Variants in WDR87 observed in about 807,000 individuals in gnomAD.
The protein encoded by WDR87 is WD repeat-containing protein 87.
In WDR87, 56 loss-of-function variants were observed where a neutral mutation model predicts 83.3. The ratio of observed to expected loss-of-function variants is 0.67; its 90% CI spans 0.54 to 0.84. The LOEUF (loss-of-function observed/expected upper bound fraction) is 0.84, where lower values mean the gene tolerates loss of function less well. Ranked by LOEUF, WDR87 falls within the 40% of genes least tolerant of loss-of-function variation. The pLI is 0.00. For missense variants in WDR87, 2,939 were observed against 3,431.9 expected, an observed-to-expected ratio of 0.86 and a Z score of 3.59; for synonymous variants, 1,173 against 1,250.6, an observed-to-expected ratio of 0.94 and a Z score of 1.31.
rs1459486516 is a variant in WDR87 at position 37,892,782 on chromosome 19, G to A, written c.2921C>T (p.Pro974Leu). The A allele has an allele frequency of 9.0e-6, 14 of 1,551,536 alleles. No homozygotes were observed. The highest frequency in any genetic ancestry group is 6.8e-5 in the African/African-American group (5 of 73,040). The change falls in exon 4 of 6, where the codon CCG becomes CTG. Residue 974 changes from proline (P) to leucine (L), a missense_variant. Physicochemically the swap from Pro to Leu is moderately conservative, Grantham distance 98 (BLOSUM62 -3). Coordinates refer to ENST00000447313, the MANE Select transcript of WDR87 (RefSeq NM_001291088.2). ...TTCCCAAGCTAGTTCTCGGATCAGC[G>A]GGTTGGAATTGGTTGTATCATTCAG... is the stretch of plus-strand genomic sequence containing the variant. The part of the protein sequence containing the change: ...RLLNDTTNSN[P>L]LIRELAWEGL...
At chr19:37,890,308 A>G (rs891398984) in intron 5 of WDR87, 32 bp from the exon 6 acceptor site, 1 of 1,491,158 alleles carries the variant, frequency 6.7e-7, no homozygotes, top group Non-Finnish European at 8.9e-7. Flanking sequence ...GGAGGTAAGC[A>G]AAGTATGGGA....
At position 37,894,461 on chromosome 19, in the gene WDR87, A is replaced by T. The variant is rs1398150457; in HGVS notation, c.1242T>A (p.Asp414Glu). 6.4e-7 allele frequency: 1 copy of T among 1,551,598 alleles called. No individual in the cohort carries two copies. Among genetic ancestry groups the T allele is most frequent in the Non-Finnish European group, 8.7e-7 (1 of 1,146,996 alleles). ...CCTCTTTACCTGGGTCGTAGGCCCA[A>T]TCCACAGCCTGGTCCAGGATTGAGA... ...WPFSILDQAV[D>E]WAYDPGKEEL... Residue 414 changes from aspartate (D) to glutamate (E), a missense_variant, in exon 4 of 6, where the codon GAT becomes GAA. This residue lies in a region of WDR87 where 553 missense variants were observed against 577.9 expected (regional missense o/e 0.96). Transcript: ENST00000447313.
At chr19:37,903,475 G>A (rs2046304847) in intron 1 of WDR87, among the ~76,000 whole-genome samples, 1 of 152,172 alleles carries the variant, frequency 6.6e-6, no homozygotes, top group Non-Finnish European at 1.5e-5. Flanking sequence ...GAGAAGTAAC[G>A]ACAGTATCCA....
intron 1 of WDR87, among the ~76,000 whole-genome samples, chr19:37,905,193 C>CTGCACTCCA (rs2046316796): frequency 6.8e-6 from 1 of 146,482 alleles, no homozygotes; most frequent in African/African-American, 2.6e-5. Context: ...GGTGGCGCCA[C>CTGCACTCCA]TGCACTCCAG....
rs959364670 is a variant in WDR87, at chr19:37,885,281, A to G, written c.8390T>C (p.Met2797Thr). 1 of 1,543,742 alleles carries G rather than the reference A, an allele frequency of 6.5e-7. No homozygotes were observed. Among genetic ancestry groups the G allele is most frequent in the Non-Finnish European group, 8.7e-7 (1 of 1,143,370 alleles). The change falls in exon 6 of 6, where the codon ATG becomes ACG. Residue 2797 changes from methionine to threonine, a missense_variant. Transcript: ENST00000447313. Reference sequence around the variant, plus strand: ...GGGGGACTTAAGTTGGTACAGGTCCATGAGCTGGTAGAACTGTTCCATCCA... The same window carrying G: ...GGGGGACTTAAGTTGGTACAGGTCCGTGAGCTGGTAGAACTGTTCCATCCA... ...TAWMEQFYQL[M>T]DLYQLKSPRI...
intron 1 of WDR87, among the ~76,000 whole-genome samples, chr19:37,898,520 G>C (rs1319122879): frequency 6.6e-6 from 1 of 152,286 alleles, no homozygotes; most frequent in South Asian, 2.1e-4. Flanking sequence ...GAATCTTAGC[G>C]TGTTCCTGTC....
chr19:37,897,212 T>TG (rs1568455840), intron 2 of WDR87, among the ~76,000 whole-genome samples: 1 of 148,870 alleles, frequency 6.7e-6, no homozygotes, highest in Admixed American at 6.7e-5. Flanking sequence ...CTGTTTTTTT[T>TG]TTTTTTTTTT....
At chr19:37,890,575 A>G (rs779553453) in intron 5 of WDR87, among the ~76,000 whole-genome samples, 5 of 152,134 alleles carry the variant, frequency 3.3e-5, no homozygotes, top group Non-Finnish European at 5.9e-5. Flanking sequence ...TAAACAGGAT[A>G]TACCCATTTT....
At chr19:37,901,152 G>T (rs1032805316) in intron 1 of WDR87, among the ~76,000 whole-genome samples, 1 of 150,544 alleles carries the variant, frequency 6.6e-6, no homozygotes, top group African/African-American at 2.4e-5. Flanking sequence ...AAAAAAAAAG[G>T]CCAGGTGCGG....
At position 37,886,660 on chromosome 19, in the gene WDR87, C is replaced by T. The variant is rs769200915; in HGVS notation, c.7011G>A (p.Glu2337=). The change falls in exon 6 of 6, where the codon GAG becomes GAA. Residue 2337 remains glutamate, a synonymous_variant. Transcript: ENST00000447313. ...CAAACACTTCTTCCTTCTCCTGAAC[C>T]TCCTCCTTCTTCTTTTCCTTTTTCT... ...KKKKKEKKKE[E]VQEKEEVFEE... is the part of the protein sequence containing the mutation. 9.3e-6 allele frequency: 14 copies of T among 1,498,642 alleles called. No homozygotes were observed. Among genetic ancestry groups the T allele is most frequent in the Non-Finnish European group, 1.2e-5 (13 of 1,105,538 alleles). 92.8% of individuals were successfully genotyped at this position (1,498,642 alleles called of 1,614,324 possible). A position where few individuals can be genotyped will look rare whatever the true frequency, so the allele number is the denominator to read the frequency against.
At chr19:37,903,254 T>A (rs137942447) in intron 1 of WDR87, among the ~76,000 whole-genome samples, 237 of 152,318 alleles carry the variant, frequency 1.6e-3, no homozygotes, top group African/African-American at 5.5e-3. Context: ...TAGGCTTACT[T>A]GGTTCTTTGA....
intron 5 of WDR87, 122 bp downstream of exon 5, chr19:37,891,430 G>A: frequency 7.7e-7 from 1 of 1,297,264 alleles, no homozygotes; most frequent in Non-Finnish European, 1.0e-6. Flanking sequence ...TCCCAGTGCT[G>A]GAATTACAGG....
chr19:37,889,643 T>A lies in WDR87; in HGVS notation c.4028A>T (p.Asp1343Val). Reference sequence around the variant, plus strand: ...TGGCGGGACTACATCCCAATCAAGGTCCTCAAGCAGAACCTTACTTTCTTT... The same window carrying A: ...TGGCGGGACTACATCCCAATCAAGGACCTCAAGCAGAACCTTACTTTCTTT... ...LKKESKVLLE[D>V]LDWDVVPPEK... is the part of the protein sequence containing the mutation. The change falls in exon 6 of 6, where the codon GAC becomes GTC. Residue 1343 changes from aspartate to valine, a missense_variant. Physicochemically the swap from Asp to Val is radical, Grantham distance 152. Transcript: ENST00000447313. 6.4e-7 allele frequency: 1 copy of A among 1,551,868 alleles called. No individual in the cohort carries two copies. Among genetic ancestry groups the A allele is most frequent in the Non-Finnish European group, 8.7e-7 (1 of 1,147,042 alleles).
rs1002721760 is a variant in WDR87, at chr19:37,897,191, C to G, written c.76-883G>C. Reference sequence around the variant, plus strand: ...GATAGACCATGTGCTATGAAACATGCATCTGGGATCCTGTTTTTTTTTTTT... The same window carrying G: ...GATAGACCATGTGCTATGAAACATGGATCTGGGATCCTGTTTTTTTTTTTT... On this transcript the variant is annotated intron_variant, in intron 2 of 5. Coordinates refer to ENST00000447313, the MANE Select transcript of WDR87 (RefSeq NM_001291088.2). Among the ~76,000 whole-genome samples the G allele has an allele frequency of 3.5e-5, 5 of 142,564 alleles. No homozygotes were observed. In the East Asian group the frequency reaches 1.1e-3, roughly 30 times the overall value. The allele number at this position is 142,564 out of a possible 152,430, so 93.5% of individuals were successfully genotyped here.
Position 37,887,109 on chromosome 19 carries a change from T to C in WDR87, c.6562A>G (p.Lys2188Glu), listed in dbSNP as rs189356594. Residue 2188 changes from lysine to glutamate, a missense_variant, in exon 6 of 6, where the codon AAA (lysine) becomes GAA (glutamate). Lys to Glu is a moderately conservative substitution (Grantham distance 56). Coordinates refer to ENST00000447313, the MANE Select transcript of WDR87 (RefSeq NM_001291088.2). Reference protein sequence around the residue: ...LARKQRKLANKMRRMINKEEK... With the variant: ...LARKQRKLANEMRRMINKEEK... Reference sequence around the variant, plus strand: ...TCTTTGTTTATCATTCTTCTCATTTTGTTGGCCAGTTTTCTCTGCTTCCGA... The same window carrying C: ...TCTTTGTTTATCATTCTTCTCATTTCGTTGGCCAGTTTTCTCTGCTTCCGA... The C allele has an allele frequency of 3.7e-4, 577 of 1,550,132 alleles. 2 individuals are homozygous for C. In the East Asian group the frequency reaches 0.011, roughly 31 times the overall value.
At chr19:37,906,635 C>T (rs534060657), upstream of WDR87, 3 of 152,052 alleles carry the variant, frequency 2.0e-5, no homozygotes, top group Non-Finnish European at 2.9e-5. Context: ...CCCCCAACCC[C>T]GCAGCCGGCG....
Position 37,896,328 on chromosome 19 carries a change from A to G in WDR87, c.76-20T>C. On this transcript the variant is annotated intron_variant, in intron 2 of 5. Coordinates refer to ENST00000447313, the MANE Select transcript of WDR87 (RefSeq NM_001291088.2). The stretch of plus-strand genomic sequence containing the variant: ...AGGTTGCTGGAGAGAGGCGTGGCAT[A>G]AACTAAGAGGCCAGGGCACAGAGGC... 6.5e-7 allele frequency: 1 copy of G among 1,550,156 alleles called. No individual in the cohort carries two copies. The highest frequency in any genetic ancestry group is 8.7e-7 in the Non-Finnish European group (1 of 1,146,054).
chr19:37,886,401 C>T lies in WDR87; in HGVS notation c.7270G>A (p.Val2424Ile). Residue 2424 changes from valine (V) to isoleucine (I), a missense_variant, in exon 6 of 6, where the codon GTT becomes ATT. Val to Ile is a conservative substitution (Grantham distance 29, BLOSUM62 3). Transcript: ENST00000447313. ...AGTTTCTTCAAAGGGCTTTTTAGAACTCCTAGTCTTATAGCCCTGCCTTTG... is the reference window on the plus strand; with the variant it reads ...AGTTTCTTCAAAGGGCTTTTTAGAATTCCTAGTCTTATAGCCCTGCCTTTG... Reference protein sequence around the residue: ...HGKGRAIRLGVLKSPLKKLMS... With the variant: ...HGKGRAIRLGILKSPLKKLMS... 1 of 1,543,444 alleles carries T rather than the reference C, an allele frequency of 6.5e-7. No homozygotes were observed. The highest frequency in any genetic ancestry group is 8.7e-7 in the Non-Finnish European group (1 of 1,144,830).
Position 37,888,165 on chromosome 19 carries a change from T to G in WDR87, c.5506A>C (p.Arg1836=), listed in dbSNP as rs1054209118. The G allele has an allele frequency of 6.4e-7, 1 of 1,552,244 alleles. No individual in the cohort carries two copies. The highest frequency in any genetic ancestry group is 1.2e-5 in the South Asian group (1 of 84,054). ...AATTGCTCCCTTTTCCGTCCCAGTC[T>G]TTCCTCTTCCTCAGGCATTTTTTCC... is the stretch of plus-strand genomic sequence containing the variant. The part of the protein sequence containing the change: ...HKEKMPEEEE[R]LGRKREQLIE... The change falls in exon 6 of 6, where the codon AGA becomes CGA. Residue 1836 remains arginine, a synonymous_variant. Coordinates refer to ENST00000447313, the MANE Select transcript of WDR87 (RefSeq NM_001291088.2).
Sources: gnomAD v4.1 joint callset for allele counts (sites outside exome capture counted in the v4.1 genomes callset) on GRCh38, gnomAD v4.1.1 for gene constraint, gnomAD v4.1.1 regional missense constraint, MANE v1.5 for transcripts, NCBI Gene and HGNC (gene_info 2026-07-23, HGNC 2026-07-21) for gene names.